Variants in TENM3 observed in about 807,000 individuals in gnomAD.
TENM3 encodes the protein teneurin-3.
A neutral mutation model predicts 255.1 loss-of-function variants in TENM3; 63 were observed. That is an observed-to-expected ratio of 0.25 (90% CI 0.20 to 0.30). The LOEUF (loss-of-function observed/expected upper bound fraction) is 0.30, where lower values mean the gene tolerates loss of function less well. TENM3 is among the 10% of genes least tolerant of loss of function. TENM3 has a pLI of 1.00. For missense variants in TENM3, 2,929 were observed against 3,461.1 expected (o/e 0.85, Z 3.86); for synonymous variants, 1,306 against 1,322.3 (o/e 0.99, Z 0.27).
chr4:182,503,975 C>T (rs1027446395), intron 3 of TENM3, among the ~76,000 whole-genome samples: 1 of 151,856 alleles, frequency 6.6e-6, no homozygotes, highest in South Asian at 2.1e-4. Context: ...TTGTTCCTAA[C>T]ACTTCATACT....
chr4:181,474,142 CA>C, the TENM3 span, among the ~76,000 whole-genome samples: 1 of 151,712 alleles, frequency 6.6e-6, no homozygotes, highest in African/African-American at 2.4e-5. Context: ...AAGGGAACAT[CA>C]CACACACACC....
At chr4:182,053,756 A>G in the TENM3 span, among the ~76,000 whole-genome samples, 1 of 152,180 alleles carries the variant, frequency 6.6e-6, no homozygotes, top group Non-Finnish European at 1.5e-5. Context: ...TCCTAGAGGC[A>G]TTTAATCTGT....
chr4:181,578,875 A>G, the TENM3 span, among the ~76,000 whole-genome samples: 1 of 152,168 alleles, frequency 6.6e-6, no homozygotes, highest in African/African-American at 2.4e-5. Context: ...AAATACAGTC[A>G]CATTCCGAGG....
Position 182,799,552 on chromosome 4 carries a change from T to C in TENM3, c.7345-44T>C, listed in dbSNP as rs1579560624. ...GTGTGTGGGTCAGGAGTGGGGAGGC[T>C]CCCGGCCGCCTCTGACGCGCCCCCT... On this transcript the variant is annotated intron_variant, in intron 27 of 27. Transcript: ENST00000511685. This position sits in a 1 kb window ranked among gnomAD's most constrained non-coding sequence, Gnocchi z 4.2. 6.6e-7 allele frequency: 1 copy of C among 1,520,868 alleles called. No homozygotes were observed. The highest frequency in any genetic ancestry group is 8.8e-7 in the Non-Finnish European group (1 of 1,142,598). The allele number at this position is 1,520,868 out of a possible 1,614,324, so 94.2% of individuals were successfully genotyped here. A position where few individuals can be genotyped will look rare whatever the true frequency, so the allele number is the denominator to read the frequency against.
intron 24 of TENM3, among the ~76,000 whole-genome samples, chr4:182,784,578 C>T (rs1217350699): frequency 6.6e-6 from 1 of 151,960 alleles, no homozygotes; most frequent in African/African-American, 2.4e-5. Flanking sequence ...GTGGTGGGCT[C>T]CACCCAGTTC....
intron 1 of TENM3, among the ~76,000 whole-genome samples, chr4:182,302,200 C>A (rs908325494): frequency 6.6e-6 from 1 of 152,150 alleles, no homozygotes; most frequent in African/African-American, 2.4e-5. Context: ...CCTCCCTTAG[C>A]CTTTTCTCAT....
In TENM3 at chr4:182,206,839, T is replaced by C. The variant is rs116967122; in HGVS notation, c.-76+62085T>C. Among the ~76,000 whole-genome samples the C allele has an allele frequency of 1.4e-3, 215 of 152,326 alleles. 8 individuals are homozygous for C. The East Asian group carries it at 0.033, about 23-fold the overall frequency. ...CATTCTAGCCAGAGAATTTGGCATA[T>C]CAGCCTAAATTCTCTAGACTTCAAA... On this transcript the variant is annotated intron_variant, in intron 1 of 2. Coordinates refer to the TENM3 transcript ENST00000512480.
intron 3 of TENM3, among the ~76,000 whole-genome samples, chr4:182,371,774 C>G (rs2150861604): frequency 6.6e-6 from 1 of 152,308 alleles, no homozygotes; most frequent in African/African-American, 2.4e-5. Context: ...TAAATTTCCT[C>G]ATAACTGAGG....
chr4:181,883,431 A>G, the TENM3 span, among the ~76,000 whole-genome samples: 1 of 152,162 alleles, frequency 6.6e-6, no homozygotes, highest in Non-Finnish European at 1.5e-5. Flanking sequence ...TTATGTATTT[A>G]CAGCCCACCT....
At chr4:181,696,449 C>A in the TENM3 span, among the ~76,000 whole-genome samples, 1 of 152,148 alleles carries the variant, frequency 6.6e-6, no homozygotes, top group South Asian at 2.1e-4. Context: ...ATTAGGAATG[C>A]CCTCTAAGCC....
the TENM3 span, among the ~76,000 whole-genome samples, chr4:181,484,024 G>T: frequency 6.6e-6 from 1 of 152,108 alleles, no homozygotes; most frequent in Non-Finnish European, 1.5e-5. Context: ...GGCAGGATGA[G>T]TGTCTGCACA....
chr4:182,519,342 A>G lies in TENM3; in HGVS notation c.512-81582A>G, dbSNP rs185605713. ...ACGATTATGTGTGTGGTTCATTTAT[A>G]TCTCTGTTGGAAAGAGAAGAATTTG... On this transcript the variant is annotated intron_variant, in intron 3 of 27. Coordinates refer to ENST00000511685, the MANE Select transcript of TENM3 (RefSeq NM_001080477.4). Among the ~76,000 whole-genome samples the G allele has an allele frequency of 4.6e-5, 7 of 152,350 alleles. No individual in the cohort carries two copies. In the Middle Eastern group the frequency reaches 0.01, roughly 222 times the overall value.
At chr4:181,879,935 G>A in the TENM3 span, among the ~76,000 whole-genome samples, 1 of 152,094 alleles carries the variant, frequency 6.6e-6, no homozygotes, top group African/African-American at 2.4e-5. Flanking sequence ...TAAAATAAGT[G>A]AACTTCTTTT....
At chr4:181,627,585 G>A in the TENM3 span, among the ~76,000 whole-genome samples, 1 of 152,090 alleles carries the variant, frequency 6.6e-6, no homozygotes, top group Non-Finnish European at 1.5e-5. Flanking sequence ...AACATGCGGT[G>A]TTTGGTTTTT....
chr4:182,692,624 G>C (rs1350869787), intron 12 of TENM3, among the ~76,000 whole-genome samples: 1 of 152,208 alleles, frequency 6.6e-6, no homozygotes, highest in Non-Finnish European at 1.5e-5. Flanking sequence ...CCAGGAGACA[G>C]AAATGGAGAA....
the TENM3 span, among the ~76,000 whole-genome samples, chr4:181,604,145 G>A: frequency 6.2e-4 from 94 of 152,148 alleles, 1 homozygote; most frequent in African/African-American, 1.7e-3. Flanking sequence ...GGTGCCTGTA[G>A]TCCCAGCTAC....
the TENM3 span, among the ~76,000 whole-genome samples, chr4:181,825,320 G>A: frequency 7.4e-6 from 1 of 134,724 alleles, no homozygotes; most frequent in Non-Finnish European, 1.5e-5. Flanking sequence ...AGAATCACTT[G>A]AACCCGGGAG....
At chr4:182,556,465 A>G (rs911036856) in intron 3 of TENM3, among the ~76,000 whole-genome samples, 1 of 152,200 alleles carries the variant, frequency 6.6e-6, no homozygotes, top group Admixed American at 6.5e-5. Flanking sequence ...GAATACAACA[A>G]AGTAATTAGT....
intron 22 of TENM3, among the ~76,000 whole-genome samples, chr4:182,770,038 G>A (rs1323917392): frequency 1.3e-5 from 2 of 151,494 alleles, no homozygotes; most frequent in Non-Finnish European, 2.9e-5. Flanking sequence ...CCCAGGAGGC[G>A]GAGGTTGCAG....
Sources: gnomAD v4.1 joint callset for allele counts (sites outside exome capture counted in the v4.1 genomes callset) on GRCh38, gnomAD v4.1.1 for gene constraint, Gnocchi (gnomAD v3.1) non-coding constraint, MANE v1.5 for transcripts, NCBI Gene and HGNC (gene_info 2026-07-23, HGNC 2026-07-21) for gene names.